Variants in RASSF8 observed in about 807,000 individuals in gnomAD.
The protein encoded by RASSF8 is ras association domain-containing protein 8.
In RASSF8, 22 loss-of-function variants were observed where a neutral mutation model predicts 48.5. The observed-to-expected ratio is 0.45, with a 90% CI of 0.32 to 0.65. The LOEUF (loss-of-function observed/expected upper bound fraction) is 0.65, where lower values mean the gene tolerates loss of function less well. Among genes scored for constraint, RASSF8 ranks in the 30% least tolerant of loss-of-function variants. The pLI is 0.03. For missense variants in RASSF8, 418 were observed against 489.2 expected (o/e 0.85, Z 1.37); for synonymous variants, 127 against 171.5 (o/e 0.74, Z 2.03).
chr12:26,035,562 T>C (rs977073685), intron 2 of RASSF8, among the ~76,000 whole-genome samples: 2 of 144,240 alleles, frequency 1.4e-5, no homozygotes, highest in African/African-American at 5.0e-5. Flanking sequence ...GTATATATTT[T>C]ATATTATATA....
intron 2 of RASSF8, among the ~76,000 whole-genome samples, chr12:26,003,368 G>A (rs970278615): frequency 6.6e-6 from 1 of 152,082 alleles, no homozygotes; most frequent in Non-Finnish European, 1.5e-5. Flanking sequence ...GTGTTTTGTT[G>A]AAGATTTTTG....
Position 25,980,308 on chromosome 12 carries a change from G to A in RASSF8, c.-202-14729G>A, listed in dbSNP as rs1037691613. Among the ~76,000 whole-genome samples the A allele has an allele frequency of 1.4e-4, 22 of 152,194 alleles. No individual in the cohort carries two copies. In the East Asian group the frequency reaches 2.3e-3, roughly 16 times the overall value. On this transcript the variant is annotated intron_variant, in intron 1 of 5. Transcript: ENST00000689635. Reference sequence around the variant, plus strand: ...AGAGTTGGGTAATATGACTCTTTCCGTAATCTATTCTAAGATAAATGCCAT... The same window carrying A: ...AGAGTTGGGTAATATGACTCTTTCCATAATCTATTCTAAGATAAATGCCAT...
At chr12:26,013,676 G>A (rs924052) in intron 2 of RASSF8, among the ~76,000 whole-genome samples, 107,830 of 151,786 alleles carry the variant, frequency 0.71, 38,355 homozygotes, top group South Asian at 0.77. Context: ...TTTTACCTAT[G>A]TTGTTTATTC....
chr12:26,051,610 T>G (rs60335536), intron 2 of RASSF8, among the ~76,000 whole-genome samples: 6,615 of 152,318 alleles, frequency 0.043, 562 homozygotes, highest in East Asian at 0.27. Flanking sequence ...TCTTTAGTTA[T>G]TCTACAAAAT....
At position 26,005,126 on chromosome 12, in the gene RASSF8, T is replaced by C. The variant is rs926857439; in HGVS notation, c.-109+9996T>C. Among the ~76,000 whole-genome samples the C allele has an allele frequency of 5.3e-5, 8 of 152,242 alleles. No individual in the cohort carries two copies. In the East Asian group the frequency reaches 1.5e-3, roughly 29 times the overall value. On this transcript the variant is annotated intron_variant, in intron 2 of 5. Transcript: ENST00000689635. ...CTGCAGAAAAAGAAATGTGTACATA[T>C]AACGTGTATTTGTGTCTTTTTAAAT...
At chr12:26,052,274 T>A (rs1456114059) in intron 2 of RASSF8, among the ~76,000 whole-genome samples, 8 of 152,216 alleles carry the variant, frequency 5.3e-5, no homozygotes, top group Non-Finnish European at 8.8e-5. Context: ...GATCTTGAGG[T>A]AATATGTTTC....
At chr12:26,056,625 A>C (rs925571962) in intron 3 of RASSF8, among the ~76,000 whole-genome samples, 4 of 152,266 alleles carry the variant, frequency 2.6e-5, no homozygotes, top group Non-Finnish European at 4.4e-5. Flanking sequence ...GATGTGGCAG[A>C]TGCACTGTTA....
chr12:26,036,025 T>A (rs1223457078), intron 2 of RASSF8, among the ~76,000 whole-genome samples: 1 of 150,428 alleles, frequency 6.6e-6, no homozygotes, highest in Non-Finnish European at 1.5e-5. Context: ...GGGCCCAAAC[T>A]CAGTCTAAAG....
At chr12:26,003,398 T>C (rs1381019515) in intron 2 of RASSF8, among the ~76,000 whole-genome samples, 2 of 152,194 alleles carry the variant, frequency 1.3e-5, no homozygotes, top group Non-Finnish European at 2.9e-5. Context: ...TCATCATGAA[T>C]ATTGCAGACC....
chr12:25,983,646 A>AC (rs1196548672), intron 1 of RASSF8, among the ~76,000 whole-genome samples: 1 of 152,192 alleles, frequency 6.6e-6, no homozygotes, highest in East Asian at 1.9e-4. Flanking sequence ...ATACCCTACA[A>AC]CCCAGCACAT....
At chr12:25,960,089 C>T (rs1941194676) in intron 1 of RASSF8, among the ~76,000 whole-genome samples, 1 of 151,846 alleles carries the variant, frequency 6.6e-6, no homozygotes, top group African/African-American at 2.4e-5. Flanking sequence ...CAGGGACGAA[C>T]ATTTATGGAT....
intron 1 of RASSF8, among the ~76,000 whole-genome samples, chr12:25,969,482 G>T (rs1941434386): frequency 6.6e-6 from 1 of 152,150 alleles, no homozygotes; most frequent in Non-Finnish European, 1.5e-5. Context: ...GGTTCACTCT[G>T]CTGTTATATG....
chr12:26,012,015 T>A (rs1942538845), intron 2 of RASSF8, among the ~76,000 whole-genome samples: 1 of 152,216 alleles, frequency 6.6e-6, no homozygotes. Flanking sequence ...ATAGTAGGCC[T>A]GTAGTGAATG....
rs953815219 is a variant in RASSF8 at position 26,071,187 on chromosome 12, G to GA, written c.*2376dup. 1.8e-5 allele frequency: 18 copies of GA among 978,794 alleles called. No individual in the cohort carries two copies. The highest frequency in any genetic ancestry group is 2.2e-5 in the Non-Finnish European group (18 of 824,148). 60.6% of individuals were successfully genotyped at this position (978,794 alleles called of 1,614,324 possible). A position where few individuals can be genotyped will look rare whatever the true frequency, so the allele number is the denominator to read the frequency against. On this transcript the variant is annotated 3_prime_UTR_variant, in exon 6 of 6. Transcript: ENST00000689635. ...AGGAATATTTTCTAAGACTCAGAGG[G>GA]AAAAAAACTCGTTTTCATAGGATCA...
intron 3 of RASSF8, among the ~76,000 whole-genome samples, chr12:26,060,834 C>T (rs1460968086): frequency 6.6e-6 from 1 of 152,174 alleles, no homozygotes; most frequent in Non-Finnish European, 1.5e-5. Context: ...TCAGGTGTTA[C>T]TGACATTATT....
chr12:25,962,004 T>C (rs957845920), intron 1 of RASSF8, among the ~76,000 whole-genome samples: 1 of 152,038 alleles, frequency 6.6e-6, no homozygotes, highest in Non-Finnish European at 1.5e-5. Flanking sequence ...GTGCGGTGCC[T>C]CCTGCACACA....
Position 26,071,333 on chromosome 12 carries a change from C to G in RASSF8, c.*2515C>G. 1 of 972,110 alleles carries G rather than the reference C, an allele frequency of 1.0e-6. No homozygotes were observed. The highest frequency in any genetic ancestry group is 4.8e-5 in the South Asian group (1 of 20,996). 60.2% of individuals were successfully genotyped at this position (972,110 alleles called of 1,614,324 possible). A position where few individuals can be genotyped will look rare whatever the true frequency, so the allele number is the denominator to read the frequency against. Reference sequence around the variant, plus strand: ...TAGTGGGCAATGGTATACAAAAATACCAAATATAAAATTTTCATCTGGGGG... The same window carrying G: ...TAGTGGGCAATGGTATACAAAAATAGCAAATATAAAATTTTCATCTGGGGG... On this transcript the variant is annotated 3_prime_UTR_variant, in exon 6 of 6. Transcript: ENST00000689635.
At chr12:26,058,538 G>GCA (rs61465811) in intron 3 of RASSF8, among the ~76,000 whole-genome samples, 14,911 of 149,040 alleles carry the variant, frequency 0.1, 797 homozygotes, top group Admixed American at 0.15. Context: ...ACGCGCGCGC[G>GCA]CACACACACA....
chr12:25,986,630 G>T (rs980559329), intron 1 of RASSF8, among the ~76,000 whole-genome samples: 6 of 152,156 alleles, frequency 3.9e-5, no homozygotes, highest in Non-Finnish European at 7.3e-5. Context: ...TCTTTCAGCT[G>T]CTCCTCTTAA....
Sources: gnomAD v4.1 joint callset for allele counts (sites outside exome capture counted in the v4.1 genomes callset) on GRCh38, gnomAD v4.1.1 for gene constraint, MANE v1.5 for transcripts, NCBI Gene and HGNC (gene_info 2026-07-23, HGNC 2026-07-21) for gene names.